Variants in STK33 observed in about 807,000 individuals in gnomAD.
STK33 encodes the protein serine/threonine kinase 33.
In STK33, 52 loss-of-function variants were observed where a neutral mutation model predicts 58.0. That is an observed-to-expected ratio of 0.90 (90% CI 0.72 to 1.13). The LOEUF is 1.13. STK33 is among the 50% of genes most tolerant of loss of function. The pLI, the probability that STK33 is intolerant of heterozygous loss-of-function variation, is 0.00. For synonymous variants in STK33, 215 were observed against 200.1 expected, an observed-to-expected ratio of 1.07 and a Z score of -0.63; for missense variants, 630 against 604.2, an observed-to-expected ratio of 1.04 and a Z score of -0.45.
chr11:8,526,223 C>T (rs956628191), intron 1 of STK33, among the ~76,000 whole-genome samples: 2 of 151,806 alleles, frequency 1.3e-5, no homozygotes, highest in African/African-American at 4.8e-5. Context: ...GTGGTAAAAC[C>T]CCGTCTCTAA....
chr11:8,375,996 A>C, the STK33 span, among the ~76,000 whole-genome samples: 9 of 152,212 alleles, frequency 5.9e-5, no homozygotes, highest in African/African-American at 1.9e-4. Context: ...AATACAGGCT[A>C]ATCTCCAGGC....
At chr11:8,480,278 G>A (rs1949688847) in intron 2 of STK33, among the ~76,000 whole-genome samples, 132 bp downstream of exon 2, 1 of 152,214 alleles carries the variant, frequency 6.6e-6, no homozygotes, top group Non-Finnish European at 1.5e-5. Flanking sequence ...GAAGCAATGG[G>A]GGAATTTAAG....
At chr11:8,383,074 T>C in the STK33 span, among the ~76,000 whole-genome samples, 1 of 152,174 alleles carries the variant, frequency 6.6e-6, no homozygotes, top group South Asian at 2.1e-4. Context: ...AGGAACACAA[T>C]GGACTGCAGT....
At chr11:8,537,431 C>G (rs895334632) in intron 1 of STK33, among the ~76,000 whole-genome samples, 4 of 152,074 alleles carry the variant, frequency 2.6e-5, no homozygotes, top group East Asian at 3.8e-4. Flanking sequence ...TTCATAATTA[C>G]TCACTGAAGC....
chr11:8,393,486 A>T (rs993140515), intron 15 of STK33, among the ~76,000 whole-genome samples: 1 of 152,202 alleles, frequency 6.6e-6, no homozygotes, highest in Admixed American at 6.5e-5. Flanking sequence ...TTTTAAAGTG[A>T]TCACTTTTAA....
chr11:8,563,273 C>T (rs1957235832), intron 1 of STK33, among the ~76,000 whole-genome samples: 1 of 152,016 alleles, frequency 6.6e-6, no homozygotes, highest in Non-Finnish European at 1.5e-5. Context: ...TAACATTGCC[C>T]TGACCAAAAT....
In STK33 at chr11:8,452,854, A is replaced by T. The variant is rs1308998004; in HGVS notation, c.839T>A (p.Leu280Gln). The T allele has an allele frequency of 1.2e-6, 2 of 1,614,064 alleles. No homozygotes were observed. The highest frequency in any genetic ancestry group is 1.3e-5 in the African/African-American group (1 of 74,946). Residue 280 changes from leucine to glutamine, a missense_variant, in exon 11 of 16, where the codon CTG becomes CAG. Leu to Gln is a moderately radical substitution (Grantham distance 113). Transcript: ENST00000687296. The part of the protein sequence containing the change: ...VKKQSRSEAM[L>Q]QATCGTPIYM... Reference sequence around the variant, plus strand: ...GATAGGAGTCCCACATGTGGCCTGCAGCATGGCTTCACTCCTACTTTGCTT... The same window carrying T: ...GATAGGAGTCCCACATGTGGCCTGCTGCATGGCTTCACTCCTACTTTGCTT...
At chr11:8,441,656 T>C (rs1359720333) in intron 11 of STK33, among the ~76,000 whole-genome samples, 4 of 152,158 alleles carry the variant, frequency 2.6e-5, no homozygotes, top group African/African-American at 4.8e-5. Flanking sequence ...CACACTCAGC[T>C]GGCTGCCTTT....
chr11:8,412,056 T>C (rs1407371784), intron 15 of STK33, among the ~76,000 whole-genome samples: 1 of 152,192 alleles, frequency 6.6e-6, no homozygotes, highest in East Asian at 1.9e-4. Context: ...TTAGATGCAG[T>C]GACAAATACA....
At chr11:8,397,416 A>G (rs7123919) in intron 15 of STK33, among the ~76,000 whole-genome samples, 29,876 of 152,150 alleles carry the variant, frequency 0.2, 3,357 homozygotes, top group African/African-American at 0.3. Context: ...CTGTTAGAAT[A>G]AAAACTAACA....
intron 1 of STK33, among the ~76,000 whole-genome samples, chr11:8,491,649 T>C (rs1353280499): frequency 6.6e-6 from 1 of 152,078 alleles, no homozygotes; most frequent in Non-Finnish European, 1.5e-5. Context: ...TTGTCAGATT[T>C]ACCAAGATTG....
At chr11:8,553,167 A>AGTAT (rs1269738674) in intron 1 of STK33, among the ~76,000 whole-genome samples, 2 of 68,192 alleles carry the variant, frequency 2.9e-5, no homozygotes, top group East Asian at 1.1e-3. Flanking sequence ...CCAAAAATAA[A>AGTAT]ATATATATAT....
intron 15 of STK33, among the ~76,000 whole-genome samples, chr11:8,406,979 T>C (rs192421433): frequency 2.5e-4 from 8 of 32,158 alleles, no homozygotes; most frequent in Non-Finnish European, 3.3e-4. Context: ...TAGTTTTGGA[T>C]TTTTTTTTTT....
chr11:8,394,803 A>C (rs1446156230), intron 15 of STK33, among the ~76,000 whole-genome samples: 1 of 152,186 alleles, frequency 6.6e-6, no homozygotes, highest in Non-Finnish European at 1.5e-5. Flanking sequence ...TTGGTGTAGA[A>C]ATATGATATT....
downstream of STK33, among the ~76,000 whole-genome samples, chr11:8,391,064 C>G (rs1330615010): frequency 1.3e-5 from 2 of 152,216 alleles, no homozygotes; most frequent in African/African-American, 4.8e-5. Context: ...CTGCAGTGCA[C>G]ACATCTGCCT....
chr11:8,445,826 T>C (rs1945376641), intron 11 of STK33, among the ~76,000 whole-genome samples: 3 of 152,204 alleles, frequency 2.0e-5, no homozygotes, highest in Admixed American at 6.5e-5. Context: ...ATCAGGGATA[T>C]TGGTCTGAAA....
intron 8 of STK33, 43 bp from the exon 9 acceptor site, chr11:8,457,522 T>A (rs746787800): frequency 3.4e-6 from 5 of 1,483,668 alleles, no homozygotes; most frequent in Non-Finnish European, 4.6e-6. Context: ...AAATTATATA[T>A]CTGGGGATCT....
At chr11:8,498,234 G>A (rs531383657) in intron 1 of STK33, among the ~76,000 whole-genome samples, 2 of 152,112 alleles carry the variant, frequency 1.3e-5, no homozygotes, top group South Asian at 4.2e-4. Context: ...TAATAGTGGG[G>A]AACTTCCTCA....
At chr11:8,572,045 T>TAAATTTTAATTTTAAAAAATAAACAAAAA (rs1565393832) in intron 1 of STK33, among the ~76,000 whole-genome samples, 2 of 62,218 alleles carry the variant, frequency 3.2e-5, no homozygotes, top group African/African-American at 1.9e-4. Context: ...ATAAATTAAT[T>TAAATTTTAATTTTAAAAAATAAACAAAAA]AATTAATTAA....
Sources: gnomAD v4.1 joint callset for allele counts (sites outside exome capture counted in the v4.1 genomes callset) on GRCh38, gnomAD v4.1.1 for gene constraint, MANE v1.5 for transcripts, NCBI Gene and HGNC (gene_info 2026-07-23, HGNC 2026-07-21) for gene names.